SLC10A4: variants seen among roughly 807,000 people sequenced by gnomAD.
SLC10A4 encodes the protein putative sodium/bile acid cotransporter 4.
A neutral mutation model predicts 22.5 loss-of-function variants in SLC10A4; 17 were observed. The ratio of observed to expected loss-of-function variants is 0.76; its 90% CI spans 0.52 to 1.14. The LOEUF is 1.14. Ranked by LOEUF, SLC10A4 falls within the 50% of genes most tolerant of loss-of-function variation. The pLI is 0.00. For synonymous variants in SLC10A4, 257 were observed against 258.2 expected (o/e 1.00, Z 0.04); for missense variants, 548 against 584.0 (o/e 0.94, Z 0.64).
rs1577769421 is a variant in SLC10A4 at position 48,488,518 on chromosome 4, C to T, written c.893C>T (p.Ala298Val). The change falls in exon 3 of 3, where the codon GCA becomes GTA. Residue 298 changes from alanine (A) to valine (V), a missense_variant. Transcript: ENST00000273861. Reference sequence around the variant, plus strand: ...CCTGAACTGCTGGCAAGTATCCCTGCAGCTGTTTATGTGATAGCAATTTTT... The same window carrying T: ...CCTGAACTGCTGGCAAGTATCCCTGTAGCTGTTTATGTGATAGCAATTTTT... ...LGPELLASIP[A>V]AVYVIAIFMP... 1.9e-6 allele frequency: 3 copies of T among 1,613,882 alleles called. No homozygotes were observed. The highest frequency in any genetic ancestry group is 8.5e-7 in the Non-Finnish European group (1 of 1,179,984).
chr4:48,483,929 C>T lies in SLC10A4; in HGVS notation c.368C>T (p.Thr123Met). ...ATCACCATGCTGGGCCTGGGCTGCA[C>T]GGTGGACGTGAACCACTTCGGGGCG... ...LCITMLGLGC[T>M]VDVNHFGAHV... Residue 123 changes from threonine (T) to methionine (M), a missense_variant, in exon 1 of 3, where the codon ACG becomes ATG. Thr to Met is a moderately conservative substitution (Grantham distance 81, BLOSUM62 -1). Around this residue, in one of 3 missense-constraint regions of SLC10A4, gnomAD observed 225 missense variants for 206.9 expected, o/e 1.09. Transcript: ENST00000273861. The surrounding 1 kb of genome is among the most constrained non-coding windows in gnomAD (Gnocchi z 5.4). The T allele has an allele frequency of 6.5e-7, 1 of 1,543,526 alleles. No homozygotes were observed. Among genetic ancestry groups the T allele is most frequent in the Non-Finnish European group, 8.7e-7 (1 of 1,145,416 alleles).
At position 48,488,951 on chromosome 4, in the gene SLC10A4, C is replaced by T. The variant is rs777819815; in HGVS notation, c.*12C>T. 2 of 1,562,578 alleles carry T rather than the reference C, an allele frequency of 1.3e-6. No homozygotes were observed. The highest frequency in any genetic ancestry group is 1.7e-6 in the Non-Finnish European group (2 of 1,161,494). ...AGACTTCTCTCTAAATGTGGAGATA[C>T]ACAGGAGCTTCTATCTTGCTGAAAT... On this transcript the variant is annotated 3_prime_UTR_variant, in exon 3 of 3. Transcript: ENST00000273861.
At chr4:48,486,587 C>T (rs1718286950) in intron 2 of SLC10A4, among the ~76,000 whole-genome samples, 1 of 150,704 alleles carries the variant, frequency 6.6e-6, no homozygotes, top group African/African-American at 2.4e-5. Flanking sequence ...TTAACCTAGC[C>T]CTATTCTTTA....
intron 2 of SLC10A4, among the ~76,000 whole-genome samples, chr4:48,487,565 TATTAGGTTCAGTTCTA>T (rs1489141870): frequency 6.6e-6 from 1 of 152,084 alleles, no homozygotes; most frequent in Non-Finnish European, 1.5e-5. Flanking sequence ...ATACCTGGGG[TATTAGGTTCAGTTCTA>T]AATGCCCTGT....
chr4:48,485,155 C>G lies in SLC10A4; in HGVS notation c.801+13C>G. ...CTACATTGTGAAGGTAAGGCCCCCT[C>G]TTCCCTTTCCATACTAGCTTGGAGA... is the stretch of plus-strand genomic sequence containing the variant. On this transcript the variant is annotated intron_variant, in intron 2 of 2. Transcript: ENST00000273861. The G allele has an allele frequency of 6.2e-7, 1 of 1,612,926 alleles. No homozygotes were observed. The highest frequency in any genetic ancestry group is 8.5e-7 in the Non-Finnish European group (1 of 1,178,936).
intron 1 of SLC10A4, 69 bp from the exon 2 acceptor site, chr4:48,484,863 C>G: frequency 6.8e-7 from 1 of 1,470,130 alleles, no homozygotes; most frequent in Non-Finnish European, 9.4e-7. Flanking sequence ...ACTCAACATA[C>G]AAGAAAAAGG....
At position 48,483,728 on chromosome 4, in the gene SLC10A4, T is replaced by C; in HGVS notation, c.167T>C (p.Phe56Ser). Residue 56 changes from phenylalanine to serine, a missense_variant, in exon 1 of 3, where the codon TTC (phenylalanine) becomes TCC (serine). By Grantham distance (155) the Phe-to-Ser change is radical (BLOSUM62 -2). Coordinates refer to ENST00000273861, the MANE Select transcript of SLC10A4 (RefSeq NM_152679.4). This position sits in a 1 kb window ranked among gnomAD's most constrained non-coding sequence, Gnocchi z 5.4. ...PGLSLGPGPS[F>S]GFSPGPTPTP... is the part of the protein sequence containing the mutation. Reference sequence around the variant, plus strand: ...CTCAGCCTCGGGCCGGGTCCGAGCTTCGGCTTCAGCCCCGGCCCCACTCCG... The same window carrying C: ...CTCAGCCTCGGGCCGGGTCCGAGCTCCGGCTTCAGCCCCGGCCCCACTCCG... 7.0e-7 allele frequency: 1 copy of C among 1,430,836 alleles called. No individual in the cohort carries two copies. 88.6% of individuals were successfully genotyped at this position (1,430,836 alleles called of 1,614,324 possible).
chr4:48,483,426 C>A lies in SLC10A4; in HGVS notation c.-136C>A. On this transcript the variant is annotated 5_prime_UTR_variant, in exon 1 of 3. Coordinates refer to ENST00000273861, the MANE Select transcript of SLC10A4 (RefSeq NM_152679.4). This position sits in a 1 kb window ranked among gnomAD's most constrained non-coding sequence, Gnocchi z 5.4. Reference sequence around the variant, plus strand: ...GGAGACCGGCCCGCCGCCCCCGACGCCGCCGAGCACGTCAGCGGCGCGCAG... The same window carrying A: ...GGAGACCGGCCCGCCGCCCCCGACGACGCCGAGCACGTCAGCGGCGCGCAG... 1.7e-6 allele frequency: 1 copy of A among 601,994 alleles called. No homozygotes were observed. The highest frequency in any genetic ancestry group is 2.5e-6 in the Non-Finnish European group (1 of 407,942). 37.3% of individuals were successfully genotyped at this position (601,994 alleles called of 1,614,324 possible).
intron 2 of SLC10A4, among the ~76,000 whole-genome samples, chr4:48,486,528 T>G (rs930845453): frequency 1.2e-4 from 18 of 149,536 alleles, no homozygotes; most frequent in African/African-American, 3.9e-4. Flanking sequence ...TTAATATATT[T>G]AATATTTAAA....
chr4:48,484,582 C>T (rs779691928), intron 1 of SLC10A4, among the ~76,000 whole-genome samples: 2 of 152,200 alleles, frequency 1.3e-5, no homozygotes. Flanking sequence ...TTGTTGAGTC[C>T]GACCAACAAG....
intron 2 of SLC10A4, 138 bp downstream of exon 2, chr4:48,485,280 TA>T: frequency 9.1e-6 from 7 of 766,410 alleles, no homozygotes; most frequent in Non-Finnish European, 1.5e-5. Context: ...AAATTTTTTT[TA>T]AAAAGTTTAT....
At position 48,489,039 on chromosome 4, in the gene SLC10A4, ACAT is replaced by A. The variant is rs1202149798; in HGVS notation, c.*104_*106del. ...TTAACATAAAAGATAACACTGGTTC[ACAT>A]CATACATGTAACAATTCTGATCTTT... On this transcript the variant is annotated 3_prime_UTR_variant, in exon 3 of 3. Coordinates refer to ENST00000273861, the MANE Select transcript of SLC10A4 (RefSeq NM_152679.4). The A allele has an allele frequency of 6.1e-6, 8 of 1,306,882 alleles. No individual in the cohort carries two copies. Among genetic ancestry groups the A allele is most frequent in the Non-Finnish European group, 8.4e-6 (8 of 952,342 alleles). The allele number at this position is 1,306,882 out of a possible 1,614,324, so 81.0% of individuals were successfully genotyped here.
rs1227568936 is a variant in SLC10A4 at position 48,483,903 on chromosome 4, C to T, written c.342C>T (p.Cys114=). The T allele has an allele frequency of 1.3e-6, 2 of 1,544,866 alleles. No homozygotes were observed. The highest frequency in any genetic ancestry group is 8.7e-7 in the Non-Finnish European group (1 of 1,146,486). Residue 114 remains cysteine, a synonymous_variant, in exon 1 of 3, where the codon TGC becomes TGT. Coordinates refer to ENST00000273861, the MANE Select transcript of SLC10A4 (RefSeq NM_152679.4). This position sits in a 1 kb window ranked among gnomAD's most constrained non-coding sequence, Gnocchi z 5.4. The stretch of plus-strand genomic sequence containing the variant: ...ACGTGTTCGTGGGCGCCGCCCTGTG[C>T]ATCACCATGCTGGGCCTGGGCTGCA... ...GLNVFVGAAL[C]ITMLGLGCTV... is the part of the protein sequence containing the mutation.
At chr4:48,486,618 C>G (rs79404995) in intron 2 of SLC10A4, among the ~76,000 whole-genome samples, 4 of 151,534 alleles carry the variant, frequency 2.6e-5, no homozygotes, top group Non-Finnish European at 4.4e-5. Context: ...TATTAAGAAA[C>G]GGTTTATATA....
intron 2 of SLC10A4, among the ~76,000 whole-genome samples, chr4:48,486,027 A>G (rs554987973): frequency 6.6e-6 from 1 of 152,350 alleles, no homozygotes; most frequent in South Asian, 2.1e-4. Flanking sequence ...ACTTCAGGTA[A>G]TTAATCAAAT....
In SLC10A4 at chr4:48,483,714, G is replaced by C. The variant is rs749159233; in HGVS notation, c.153G>C (p.Gly51=). 1.4e-6 allele frequency: 2 copies of C among 1,438,490 alleles called. No homozygotes were observed. Among genetic ancestry groups the C allele is most frequent in the South Asian group, 2.8e-5 (2 of 71,124 alleles). 89.1% of individuals were successfully genotyped at this position (1,438,490 alleles called of 1,614,324 possible). A position where few individuals can be genotyped will look rare whatever the true frequency, so the allele number is the denominator to read the frequency against. Reference sequence around the variant, plus strand: ...GCCCCGGCCCTGGGCTCAGCCTCGGGCCGGGTCCGAGCTTCGGCTTCAGCC... The same window carrying C: ...GCCCCGGCCCTGGGCTCAGCCTCGGCCCGGGTCCGAGCTTCGGCTTCAGCC... ...SAGPGPGLSL[G]PGPSFGFSPG... The change falls in exon 1 of 3, where the codon GGG becomes GGC. Residue 51 remains glycine (G), a synonymous_variant. Coordinates refer to ENST00000273861, the MANE Select transcript of SLC10A4 (RefSeq NM_152679.4). This position sits in a 1 kb window ranked among gnomAD's most constrained non-coding sequence, Gnocchi z 5.4.
rs906370021 is a variant in SLC10A4, at chr4:48,488,842, A to C, written c.1217A>C (p.Tyr406Ser). The C allele has an allele frequency of 6.2e-7, 1 of 1,613,782 alleles. No individual in the cohort carries two copies. The highest frequency in any genetic ancestry group is 8.5e-7 in the Non-Finnish European group (1 of 1,179,974). The change falls in exon 3 of 3, where the codon TAT (tyrosine) becomes TCT (serine). Residue 406 changes from tyrosine to serine, a missense_variant. Transcript: ENST00000273861. ...GAAGATGAAGATACAGATATTTCTTATAAAAAACTAAAAGAAGAGGAAATG... is the reference window on the plus strand; with the variant it reads ...GAAGATGAAGATACAGATATTTCTTCTAAAAAACTAAAAGAAGAGGAAATG... ...LDEDEDTDIS[Y>S]KKLKEEEMAD...
In SLC10A4 at chr4:48,483,654, C is replaced by A. The variant is rs1352017786; in HGVS notation, c.93C>A (p.Gly31=). 6.7e-7 allele frequency: 1 copy of A among 1,488,378 alleles called. No homozygotes were observed. The highest frequency in any genetic ancestry group is 8.9e-7 in the Non-Finnish European group (1 of 1,123,972). The allele number at this position is 1,488,378 out of a possible 1,614,324, so 92.2% of individuals were successfully genotyped here. The change falls in exon 1 of 3, where the codon GGC becomes GGA. Residue 31 remains glycine (G), a synonymous_variant. Transcript: ENST00000273861. This position sits in a 1 kb window ranked among gnomAD's most constrained non-coding sequence, Gnocchi z 5.4. ...CCAATGCCAGCAGCCTGGGCCCCGG[C>A]ACGGACCTCGCCCTCGCCCCTGCCT... ...LAPNASSLGP[G]TDLALAPASS...
Position 48,488,316 on chromosome 4 carries a change from G to A in SLC10A4, c.802-111G>A, listed in dbSNP as rs1467790906. On this transcript the variant is annotated intron_variant, in intron 2 of 2. Transcript: ENST00000273861. ...CATCTTCAGAAATATTCTGTCAAAG[G>A]TCTCCATTTTGTGTTGGAGAGCATA... The A allele has an allele frequency of 1.1e-5, 10 of 939,792 alleles. No individual in the cohort carries two copies. In the East Asian group the frequency reaches 1.8e-4, roughly 17 times the overall value. 58.2% of individuals were successfully genotyped at this position (939,792 alleles called of 1,614,324 possible). A position where few individuals can be genotyped will look rare whatever the true frequency, so the allele number is the denominator to read the frequency against.
Sources: allele counts gnomAD v4.1 joint callset (sites outside exome capture counted in the v4.1 genomes callset), GRCh38; gene constraint gnomAD v4.1.1; regional missense constraint gnomAD v4.1.1; non-coding constraint Gnocchi (gnomAD v3.1); transcripts MANE v1.5; gene names NCBI Gene and HGNC (gene_info 2026-07-23, HGNC 2026-07-21).